FBXL7: variants seen among roughly 807,000 people sequenced by gnomAD.
FBXL7 encodes the protein F-box and leucine rich repeat protein 7, also known as F-box/LRR-repeat protein 7.
FBXL7 carries 12 observed loss-of-function variants against 38.3 expected under a neutral mutation model. That is an observed-to-expected ratio of 0.31 (90% CI 0.20 to 0.51). The LOEUF (loss-of-function observed/expected upper bound fraction) is 0.51, where lower values mean the gene tolerates loss of function less well. Ranked by LOEUF, FBXL7 falls within the 20% of genes least tolerant of loss-of-function variation. The probability of loss-of-function intolerance (pLI) is 0.98; values close to 1 mark genes in which losing one functional copy is unlikely to be tolerated. For missense variants in FBXL7, 567 were observed against 676.4 expected (o/e 0.84, Z 1.79); for synonymous variants, 297 against 300.9 (o/e 0.99, Z 0.13).
chr5:15,724,208 T>C (rs561855810), intron 2 of FBXL7, among the ~76,000 whole-genome samples: 2 of 152,330 alleles, frequency 1.3e-5, no homozygotes, highest in South Asian at 2.1e-4. Flanking sequence ...TTTAGTTTCT[T>C]TCATGCTCAC....
chr5:15,790,401 A>G (rs974119366), intron 2 of FBXL7, among the ~76,000 whole-genome samples: 1 of 152,114 alleles, frequency 6.6e-6, no homozygotes, highest in African/African-American at 2.4e-5. Context: ...ATTAGAGAGT[A>G]GAGTTGTCGT....
At chr5:15,921,788 T>G (rs903649095) in intron 2 of FBXL7, among the ~76,000 whole-genome samples, 2 of 152,176 alleles carry the variant, frequency 1.3e-5, no homozygotes, top group African/African-American at 2.4e-5. Flanking sequence ...TCAAAACTAC[T>G]GTGAAATATC....
intron 2 of FBXL7, among the ~76,000 whole-genome samples, chr5:15,846,899 CT>C (rs1371975853): frequency 2.0e-5 from 3 of 151,886 alleles, no homozygotes; most frequent in Admixed American, 1.3e-4. Context: ...TATGCTCAAT[CT>C]TTTTTTCAAA....
At chr5:15,564,079 C>T (rs1738493041) in intron 1 of FBXL7, among the ~76,000 whole-genome samples, 1 of 152,042 alleles carries the variant, frequency 6.6e-6, no homozygotes, top group South Asian at 2.1e-4. Context: ...GTGTTTTCTG[C>T]AGTCCTTTCT....
chr5:15,633,057 T>C (rs1052137734), intron 2 of FBXL7, among the ~76,000 whole-genome samples: 2 of 152,158 alleles, frequency 1.3e-5, no homozygotes, highest in African/African-American at 4.8e-5. Context: ...TGTGGGAAAA[T>C]ATTTCTAAGA....
chr5:15,570,243 TATTA>T (rs938211825), intron 1 of FBXL7, among the ~76,000 whole-genome samples: 1 of 152,250 alleles, frequency 6.6e-6, no homozygotes, highest in African/African-American at 2.4e-5. Flanking sequence ...GTTGGTAAGC[TATTA>T]ATTCTTGCCT....
intron 2 of FBXL7, among the ~76,000 whole-genome samples, chr5:15,891,779 C>T (rs1740913534): frequency 6.6e-6 from 1 of 152,150 alleles, no homozygotes; most frequent in African/African-American, 2.4e-5. Flanking sequence ...AATAAAGGTG[C>T]TATTTACACA....
intron 2 of FBXL7, among the ~76,000 whole-genome samples, chr5:15,730,365 C>T (rs1212944452): frequency 6.6e-6 from 1 of 152,056 alleles, no homozygotes; most frequent in Non-Finnish European, 1.5e-5. Context: ...ATTTCTTAAT[C>T]ATATCTTGGC....
chr5:15,904,743 G>A (rs373191197), intron 2 of FBXL7, among the ~76,000 whole-genome samples: 6 of 151,958 alleles, frequency 3.9e-5, no homozygotes, highest in South Asian at 2.1e-4. Flanking sequence ...TAATAATAAT[G>A]TGTGCTCTTT....
At chr5:15,880,534 T>C (rs926151031) in intron 2 of FBXL7, among the ~76,000 whole-genome samples, 13 of 152,128 alleles carry the variant, frequency 8.5e-5, no homozygotes, top group Admixed American at 3.9e-4. Flanking sequence ...TAGAAACTCT[T>C]CTTACAGCTG....
At chr5:15,558,109 A>T (rs891570103) in intron 1 of FBXL7, among the ~76,000 whole-genome samples, 1 of 152,318 alleles carries the variant, frequency 6.6e-6, no homozygotes, top group Non-Finnish European at 1.5e-5. Flanking sequence ...AATGAATACC[A>T]CTGGATTCTA....
chr5:15,789,189 T>C (rs1331496697), intron 2 of FBXL7, among the ~76,000 whole-genome samples: 4 of 152,080 alleles, frequency 2.6e-5, no homozygotes, highest in Non-Finnish European at 5.9e-5. Flanking sequence ...CTGCCAGTGC[T>C]CTACAAGACC....
intron 2 of FBXL7, among the ~76,000 whole-genome samples, chr5:15,667,192 A>C (rs1742310674): frequency 6.6e-6 from 1 of 152,180 alleles, no homozygotes; most frequent in African/African-American, 2.4e-5. Flanking sequence ...AAATTAATTG[A>C]AGCAGGCACA....
chr5:15,785,583 C>T (rs370652864), intron 2 of FBXL7, among the ~76,000 whole-genome samples: 31 of 152,168 alleles, frequency 2.0e-4, no homozygotes, highest in African/African-American at 3.9e-4. Context: ...CCTCCATCCC[C>T]AATTAAAGGA....
chr5:15,835,255 G>A (rs765371838), intron 2 of FBXL7, among the ~76,000 whole-genome samples: 5 of 152,112 alleles, frequency 3.3e-5, no homozygotes, highest in Non-Finnish European at 5.9e-5. Context: ...TGAAATGGCC[G>A]GTACTTTAAC....
chr5:15,582,693 G>A (rs866541528), intron 1 of FBXL7, among the ~76,000 whole-genome samples: 14 of 152,146 alleles, frequency 9.2e-5, no homozygotes, highest in Admixed American at 8.5e-4. Context: ...GTTAAATTCT[G>A]GGAAGTCTTA....
At chr5:15,666,795 T>C (rs916648588) in intron 2 of FBXL7, among the ~76,000 whole-genome samples, 3 of 152,166 alleles carry the variant, frequency 2.0e-5, no homozygotes, top group African/African-American at 7.2e-5. Context: ...TGTTCCTCCG[T>C]TTTCAAATGG....
intron 2 of FBXL7, among the ~76,000 whole-genome samples, chr5:15,868,354 C>T (rs925384819): frequency 6.6e-6 from 1 of 152,160 alleles, no homozygotes; most frequent in African/African-American, 2.4e-5. Flanking sequence ...GAGATCCATG[C>T]CAGAATTCTG....
chr5:15,671,429 T>G lies in FBXL7; in HGVS notation c.127+55357T>G, dbSNP rs114614744. Among the ~76,000 whole-genome samples, 1,299 of 151,138 alleles carry G rather than the reference T, an allele frequency of 8.6e-3. 12 individuals carry two copies. The highest frequency in any genetic ancestry group is 0.03 in the African/African-American group (1,231 of 41,002). On this transcript the variant is annotated intron_variant, in intron 2 of 3. Coordinates refer to ENST00000504595, the MANE Select transcript of FBXL7 (RefSeq NM_012304.5). ...TAGGTAAAAATTTACCTACTTATGC[T>G]AGGTGAGTTAAACAATTGGTGTTTT...
Sources: allele counts gnomAD v4.1 joint callset (sites outside exome capture counted in the v4.1 genomes callset), GRCh38; gene constraint gnomAD v4.1.1; transcripts MANE v1.5; gene names NCBI Gene and HGNC (gene_info 2026-07-23, HGNC 2026-07-21).